Variants in FARP1 observed in about 807,000 individuals in gnomAD.
The protein encoded by FARP1 is FERM, ARHGEF and pleckstrin domain-containing protein 1.
Under a neutral mutation model 128.8 loss-of-function variants are expected in FARP1, and 52 were observed. The ratio of observed to expected loss-of-function variants is 0.40; its 90% CI spans 0.32 to 0.51. The LOEUF (loss-of-function observed/expected upper bound fraction) is 0.51, where lower values mean the gene tolerates loss of function less well. Among genes scored for constraint, FARP1 ranks in the 20% least tolerant of loss-of-function variants. The pLI is 0.45. For missense variants in FARP1, 1,333 were observed against 1,367.9 expected (o/e 0.97, Z 0.40); for synonymous variants, 580 against 551.8 (o/e 1.05, Z -0.72).
rs1891209985 is a variant in FARP1, at chr13:98,411,979, T to G, written c.1771T>G (p.Leu591Val). ...TCTCATATTCCCGAATTTTGAACCT[T>G]TGCACAAATTTCATACTAATTTTCT... ...KSLIFPNFEP[L>V]HKFHTNFLKE... The change falls in exon 16 of 27, where the codon TTG (leucine) becomes GTG (valine). Residue 591 changes from leucine (L) to valine (V), a missense_variant. Leu to Val is a conservative substitution (Grantham distance 32). Transcript: ENST00000319562. The G allele has an allele frequency of 6.2e-7, 1 of 1,614,104 alleles. No individual in the cohort carries two copies. Among genetic ancestry groups the G allele is most frequent in the Non-Finnish European group, 8.5e-7 (1 of 1,179,938 alleles).
At chr13:98,284,013 TG>T (rs144828470) in intron 2 of FARP1, among the ~76,000 whole-genome samples, 504 of 152,352 alleles carry the variant, frequency 3.3e-3, no homozygotes, top group African/African-American at 0.012. Flanking sequence ...TCAGTTGCAC[TG>T]GTCATGTTTG....
chr13:98,154,980 A>G (rs550870), intron 1 of FARP1, among the ~76,000 whole-genome samples: 118,774 of 152,124 alleles, frequency 0.78, 50,580 homozygotes, highest in Non-Finnish European at 0.94. Context: ...AGGAGGCTGA[A>G]GGTAGAGGAT....
intron 1 of FARP1, among the ~76,000 whole-genome samples, chr13:98,193,563 C>T (rs777677227): frequency 7.9e-5 from 12 of 152,204 alleles, no homozygotes; most frequent in East Asian, 1.9e-4. Context: ...TTAAAACCTT[C>T]GTTGAAGCAA....
At chr13:98,189,656 A>C (rs796571662) in intron 1 of FARP1, among the ~76,000 whole-genome samples, 3 of 151,870 alleles carry the variant, frequency 2.0e-5, no homozygotes, top group African/African-American at 7.2e-5. Flanking sequence ...ATATTTACTT[A>C]TTATTGCCAT....
chr13:98,278,142 T>C (rs889882353), intron 2 of FARP1, among the ~76,000 whole-genome samples: 2 of 151,998 alleles, frequency 1.3e-5, no homozygotes, highest in African/African-American at 4.8e-5. Context: ...AGTGAGACTT[T>C]AATATCCAGG....
chr13:98,186,730 AC>A (rs1280890500), intron 1 of FARP1, among the ~76,000 whole-genome samples: 1 of 151,608 alleles, frequency 6.6e-6, no homozygotes, highest in Non-Finnish European at 1.5e-5. Flanking sequence ...GGTGGCTCAC[AC>A]CTGTAATCCC....
intron 2 of FARP1, among the ~76,000 whole-genome samples, chr13:98,241,688 G>T (rs1882781501): frequency 6.6e-6 from 1 of 152,142 alleles, no homozygotes; most frequent in South Asian, 2.1e-4. Context: ...GGCTGAGGTG[G>T]GTGGATCACC....
Position 98,315,520 on chromosome 13 carries a change from C to G in FARP1, c.172-28242C>G, listed in dbSNP as rs73563574. On this transcript the variant is annotated intron_variant, in intron 2 of 26. Transcript: ENST00000319562. ...TCAAGTTACTTGTGCCCGTTTGTCT[C>G]CACTCCTAAAGGAGTTTCAGGAGAT... 1.0e-3 allele frequency among the ~76,000 whole-genome samples: 155 copies of G among 152,306 alleles called. 1 individual carries two copies. The highest frequency in any genetic ancestry group is 3.5e-3 in the African/African-American group (145 of 41,554).
chr13:98,382,778 A>G (rs886158858), intron 6 of FARP1, among the ~76,000 whole-genome samples: 5 of 151,488 alleles, frequency 3.3e-5, no homozygotes, highest in African/African-American at 1.2e-4. Context: ...TTCATGGTCT[A>G]TTTAGTGCCA....
At chr13:98,192,434 G>T (rs1241581051) in intron 1 of FARP1, among the ~76,000 whole-genome samples, 1 of 151,902 alleles carries the variant, frequency 6.6e-6, no homozygotes, top group East Asian at 1.9e-4. Context: ...CTGTCTCCCA[G>T]ACTGGAGTGC....
At chr13:98,175,363 T>C (rs1877928278) in intron 1 of FARP1, among the ~76,000 whole-genome samples, 1 of 152,154 alleles carries the variant, frequency 6.6e-6, no homozygotes, top group East Asian at 1.9e-4. Flanking sequence ...AAATCCAAAC[T>C]TCAGCGTGGA....
intron 2 of FARP1, among the ~76,000 whole-genome samples, chr13:98,285,281 A>AC (rs1357461752): frequency 4.6e-5 from 7 of 152,186 alleles, no homozygotes; most frequent in Middle Eastern, 3.2e-3. Context: ...ACCTGGAGGC[A>AC]TTCTTACTTA....
At chr13:98,264,945 G>T (rs1039840891) in intron 2 of FARP1, among the ~76,000 whole-genome samples, 2 of 152,246 alleles carry the variant, frequency 1.3e-5, no homozygotes, top group Middle Eastern at 3.4e-3. Flanking sequence ...CCTCTGACAT[G>T]GTTACCGAAC....
chr13:98,448,079 C>CGCCT, intron 26 of FARP1, 157 bp from the exon 27 acceptor site: 1 of 661,006 alleles, frequency 1.5e-6, no homozygotes, highest in Non-Finnish European at 2.8e-6. Context: ...ACCTCAGGAA[C>CGCCT]GCCTGGGTGC....
chr13:98,387,392 GA>G (rs1325129216), intron 8 of FARP1, among the ~76,000 whole-genome samples: 4 of 152,186 alleles, frequency 2.6e-5, no homozygotes, highest in Non-Finnish European at 5.9e-5. Context: ...TATTAAGAAG[GA>G]AAAGAAGTGT....
intron 2 of FARP1, among the ~76,000 whole-genome samples, chr13:98,235,139 C>T (rs1882342165): frequency 6.6e-6 from 1 of 152,080 alleles, no homozygotes; most frequent in Admixed American, 6.6e-5. Context: ...TGTACCCCAC[C>T]TTCTGGCTTC....
chr13:98,298,576 C>A (rs1251820031), intron 2 of FARP1, among the ~76,000 whole-genome samples: 1 of 152,098 alleles, frequency 6.6e-6, no homozygotes, highest in South Asian at 2.1e-4. Context: ...TTTGCTCTGC[C>A]AGCTGTTCCC....
At chr13:98,177,410 G>GCCGAGGTGGGAGAATCAC in intron 1 of FARP1, 1 of 530,882 alleles carries the variant, frequency 1.9e-6, no homozygotes, top group Non-Finnish European at 3.2e-6. Flanking sequence ...ACACTGGGAG[G>GCCGAGGTGGGAGAATCAC]CCGAGGTGGG....
At chr13:98,268,355 A>G in intron 2 of FARP1, among the ~76,000 whole-genome samples, 1 of 152,126 alleles carries the variant, frequency 6.6e-6, no homozygotes, top group Non-Finnish European at 1.5e-5. Context: ...TGTATGGAGG[A>G]TTCAGCTGAA....
Sources: gnomAD v4.1 joint callset for allele counts (sites outside exome capture counted in the v4.1 genomes callset) on GRCh38, gnomAD v4.1.1 for gene constraint, MANE v1.5 for transcripts, NCBI Gene and HGNC (gene_info 2026-07-23, HGNC 2026-07-21) for gene names.